Variants in ADAMTSL1 observed in about 807,000 individuals in gnomAD.
ADAMTSL1 encodes ADAMTS like 1.
ADAMTSL1 carries 126 observed loss-of-function variants against 201.8 expected under a neutral mutation model. The ratio of observed to expected loss-of-function variants is 0.62; its 90% CI spans 0.54 to 0.72. The LOEUF (loss-of-function observed/expected upper bound fraction) is 0.72, where lower values mean the gene tolerates loss of function less well. Ranked by LOEUF, ADAMTSL1 falls within the 30% of genes least tolerant of loss-of-function variation. The probability of loss-of-function intolerance (pLI) is 0.00; values close to 1 mark genes in which losing one functional copy is unlikely to be tolerated. For synonymous variants in ADAMTSL1, 1,121 were observed against 903.4 expected, an observed-to-expected ratio of 1.24 and a Z score of -4.32; for missense variants, 2,679 against 2,277.8, an observed-to-expected ratio of 1.18 and a Z score of -3.59.
chr9:18,644,572 G>C (rs1031797493), intron 7 of ADAMTSL1, among the ~76,000 whole-genome samples: 1 of 146,238 alleles, frequency 6.8e-6, no homozygotes, highest in Non-Finnish European at 1.5e-5. Flanking sequence ...AGAGTGTGAT[G>C]TTCCCCTTCC....
At chr9:18,414,113 A>C (rs1219190046) in intron 2 of ADAMTSL1, among the ~76,000 whole-genome samples, 1 of 152,198 alleles carries the variant, frequency 6.6e-6, no homozygotes, top group African/African-American at 2.4e-5. Context: ...TGACTATTCA[A>C]GTATGAGTGT....
At chr9:18,684,307 A>T (rs891435588) in intron 12 of ADAMTSL1, among the ~76,000 whole-genome samples, 3 of 152,204 alleles carry the variant, frequency 2.0e-5, no homozygotes, top group Non-Finnish European at 4.4e-5. Flanking sequence ...GGCAAAAAAA[A>T]AAAAGTTAGA....
intron 1 of ADAMTSL1, among the ~76,000 whole-genome samples, chr9:18,481,058 C>T (rs977696893): frequency 6.6e-6 from 1 of 152,150 alleles, no homozygotes; most frequent in Non-Finnish European, 1.5e-5. Flanking sequence ...GGGTGCAACA[C>T]TGAAACTGCT....
intron 1 of ADAMTSL1, among the ~76,000 whole-genome samples, chr9:17,936,943 G>A (rs1489948665): frequency 2.0e-5 from 3 of 152,094 alleles, no homozygotes. Flanking sequence ...TTGTTGGAGG[G>A]GTTTCCCATG....
intron 4 of ADAMTSL1, among the ~76,000 whole-genome samples, chr9:18,616,580 C>T (rs10963672): frequency 1.3e-5 from 2 of 152,102 alleles, no homozygotes; most frequent in African/African-American, 2.4e-5. Context: ...CACATTATTG[C>T]ATACATTTTC....
At chr9:17,958,825 T>G (rs1828028443) in intron 1 of ADAMTSL1, among the ~76,000 whole-genome samples, 1 of 152,206 alleles carries the variant, frequency 6.6e-6, no homozygotes, top group Non-Finnish European at 1.5e-5. Context: ...AAGATAACCC[T>G]ATTAAATTCC....
chr9:18,094,411 G>C (rs1487243311), intron 1 of ADAMTSL1, among the ~76,000 whole-genome samples: 1 of 152,128 alleles, frequency 6.6e-6, no homozygotes. Flanking sequence ...TAGTATTACA[G>C]TTGTCTGCCC....
At chr9:18,128,273 G>T in intron 1 of ADAMTSL1, among the ~76,000 whole-genome samples, 1 of 152,154 alleles carries the variant, frequency 6.6e-6, no homozygotes, top group South Asian at 2.1e-4. Context: ...TGGACCACCA[G>T]GGTAATGAGA....
chr9:18,470,825 C>T (rs1487569902), upstream of ADAMTSL1, among the ~76,000 whole-genome samples: 1 of 139,972 alleles, frequency 7.1e-6, no homozygotes, highest in Non-Finnish European at 1.6e-5. Context: ...ATGCTTCAGA[C>T]AGCCCTGACA....
chr9:18,903,332 T>C (rs1327504), intron 26 of ADAMTSL1, among the ~76,000 whole-genome samples: 85,884 of 151,602 alleles, frequency 0.57, 24,621 homozygotes, highest in African/African-American at 0.63. Flanking sequence ...ACACAATACA[T>C]AGTAAGAAAA....
At chr9:17,949,973 C>T (rs1473788132) in intron 1 of ADAMTSL1, among the ~76,000 whole-genome samples, 4 of 152,054 alleles carry the variant, frequency 2.6e-5, no homozygotes, top group African/African-American at 7.2e-5. Flanking sequence ...GGCTGGAGTG[C>T]AATGGCCTGA....
At chr9:18,066,553 G>GT (rs1306112318) in intron 1 of ADAMTSL1, among the ~76,000 whole-genome samples, 1 of 152,062 alleles carries the variant, frequency 6.6e-6, no homozygotes, top group African/African-American at 2.4e-5. Flanking sequence ...CTAAAATATT[G>GT]TTTTTATATT....
intron 1 of ADAMTSL1, among the ~76,000 whole-genome samples, chr9:17,966,968 G>C (rs374587820): frequency 1.3e-5 from 2 of 151,938 alleles, no homozygotes; most frequent in African/African-American, 4.8e-5. Context: ...ATTAACTCAC[G>C]GATTTAAAGG....
chr9:18,342,489 G>T (rs1057171432), intron 2 of ADAMTSL1, among the ~76,000 whole-genome samples: 9 of 152,096 alleles, frequency 5.9e-5, no homozygotes, highest in Non-Finnish European at 1.2e-4. Context: ...CTCATAGCTT[G>T]TCTCATTTTA....
intron 1 of ADAMTSL1, 36 bp downstream of exon 1, chr9:18,474,331 C>T (rs1242410989): frequency 6.2e-7 from 1 of 1,609,294 alleles, no homozygotes; most frequent in Non-Finnish European, 8.5e-7. Flanking sequence ...TTGCTATTGC[C>T]ATTGAGTCTG....
At chr9:18,721,488 A>T (rs753042783) in intron 14 of ADAMTSL1, 48 bp from the exon 15 acceptor site, 1 of 1,603,566 alleles carries the variant, frequency 6.2e-7, no homozygotes, top group Non-Finnish European at 8.5e-7. Flanking sequence ...CACCCCCCAC[A>T]CACACACCCA....
intron 20 of ADAMTSL1, among the ~76,000 whole-genome samples, chr9:18,812,116 A>C (rs912907142): frequency 6.6e-6 from 1 of 152,246 alleles, no homozygotes; most frequent in African/African-American, 2.4e-5. Context: ...TGTATATGAA[A>C]AAGCAAAGGA....
intron 2 of ADAMTSL1, among the ~76,000 whole-genome samples, chr9:18,206,389 G>A (rs552812087): frequency 7.2e-5 from 11 of 152,238 alleles, no homozygotes; most frequent in South Asian, 2.1e-4. Context: ...CAGGTCCTGC[G>A]TTGCCCTCTC....
intron 14 of ADAMTSL1, among the ~76,000 whole-genome samples, chr9:18,709,399 A>G (rs1832422159): frequency 6.6e-6 from 1 of 152,236 alleles, no homozygotes; most frequent in Admixed American, 6.5e-5. Flanking sequence ...CAGGATTAAC[A>G]AATAGATTTT....
Sources: gnomAD v4.1 joint callset for allele counts (sites outside exome capture counted in the v4.1 genomes callset) on GRCh38, gnomAD v4.1.1 for gene constraint, MANE v1.5 for transcripts, NCBI Gene and HGNC (gene_info 2026-07-23, HGNC 2026-07-21) for gene names.